EIF2D: variants seen among roughly 807,000 people sequenced by gnomAD.
EIF2D encodes the protein eukaryotic translation initiation factor 2D.
A neutral mutation model predicts 77.4 loss-of-function variants in EIF2D; 56 were observed. The observed-to-expected ratio is 0.72, with a 90% confidence interval of 0.58 to 0.90. EIF2D has a LOEUF of 0.90. Ranked by LOEUF, EIF2D falls within the 40% of genes least tolerant of loss-of-function variation. EIF2D has a pLI of 0.00. For synonymous variants in EIF2D, 230 were observed against 271.0 expected (o/e 0.85, Z 1.49); for missense variants, 574 against 706.5 (o/e 0.81, Z 2.13).
rs979130047 is a variant in EIF2D at position 206,572,464 on chromosome 1, G to A, written c.*359+131C>T. ...CTGGGATGCAGCAGAGAGGAAGGGA[G>A]TCTGTCCAGACCTGGGGCTAGGGTA... is the stretch of plus-strand genomic sequence containing the variant. On this transcript the variant is annotated intron_variant and NMD_transcript_variant, in intron 5 of 5. Coordinates refer to the EIF2D transcript ENST00000472709. The A allele has an allele frequency of 1.2e-4, 18 of 152,388 alleles. 2 individuals are homozygous for A. The highest frequency in any genetic ancestry group is 9.1e-4 in the Admixed American group (14 of 15,310). 9.4% of individuals were successfully genotyped at this position (152,388 alleles called of 1,614,324 possible). A position where few individuals can be genotyped will look rare whatever the true frequency, so the allele number is the denominator to read the frequency against.
At chr1:206,597,075 G>A in intron 12 of EIF2D, 25 bp downstream of exon 12, 2 of 1,578,978 alleles carry the variant, frequency 1.3e-6, no homozygotes, top group Non-Finnish European at 1.7e-6. Flanking sequence ...AGAAAAGTTG[G>A]AGAGGGACTG....
chr1:206,593,064 T>C (rs953980364), intron 14 of EIF2D, among the ~76,000 whole-genome samples: 9 of 151,956 alleles, frequency 5.9e-5, no homozygotes, highest in African/African-American at 1.7e-4. Flanking sequence ...TGAGCCAAGA[T>C]TGCGCCACTG....
chr1:206,591,500 G>A (rs1258027888), downstream of EIF2D: 1 of 482,428 alleles, frequency 2.1e-6, no homozygotes, highest in African/African-American at 1.9e-5. Flanking sequence ...TGGCCTGCCT[G>A]GAAAGCAGGG....
At position 206,599,209 on chromosome 1, in the gene EIF2D, T is replaced by A; in HGVS notation, c.1203-117A>T. The A allele has an allele frequency of 1.0e-6, 1 of 1,002,920 alleles. No individual in the cohort carries two copies. Among genetic ancestry groups the A allele is most frequent in the Non-Finnish European group, 1.5e-6 (1 of 674,248 alleles). The allele number at this position is 1,002,920 out of a possible 1,614,324, so 62.1% of individuals were successfully genotyped here. Reference sequence around the variant, plus strand: ...ACTTTCCTTAGCTTTCGGCCTCTAGTTTCTTCCCTTTTCCTGACTGAAGTG... The same window carrying A: ...ACTTTCCTTAGCTTTCGGCCTCTAGATTCTTCCCTTTTCCTGACTGAAGTG... On this transcript the variant is annotated intron_variant, in intron 10 of 14. Transcript: ENST00000271764. The surrounding 1 kb of genome is among the most constrained non-coding windows in gnomAD (Gnocchi z 4.1).
At chr1:206,602,574 G>C (rs1047304511) in intron 6 of EIF2D, 121 bp from the exon 7 acceptor site, 22 of 862,320 alleles carry the variant, frequency 2.6e-5, no homozygotes, top group Non-Finnish European at 3.8e-5. Context: ...CCCATTCCCA[G>C]GTACCAAAGC....
rs1553413419 is a variant in EIF2D, at chr1:206,609,447, C to T, written c.260G>A (p.Trp87Ter). The T allele has an allele frequency of 6.8e-6, 11 of 1,613,990 alleles. No individual in the cohort carries two copies. The highest frequency in any genetic ancestry group is 9.3e-6 in the Non-Finnish European group (11 of 1,179,994). ...GGTTGGCAGAAGATCAGGATAGGAC[C>T]ACAGCGTGTACACTGTACAAAAAGA... ...KNLYPTVYTL[W>*]SYPDLLPTFT... The change falls in exon 3 of 15, where the codon TGG (tryptophan) becomes TAG (stop). Residue 87 changes from tryptophan to a stop codon, truncating the protein, a stop_gained. Transcript: ENST00000271764. LOFTEE classifies it high-confidence loss of function.
chr1:206,608,800 C>T (rs1670324109), intron 3 of EIF2D, among the ~76,000 whole-genome samples: 1 of 152,206 alleles, frequency 6.6e-6, no homozygotes, highest in African/African-American at 2.4e-5. Context: ...GCCTGTAATC[C>T]CAGCACTCTG....
At chr1:206,596,563 G>C (rs1201942825) in intron 12 of EIF2D, among the ~76,000 whole-genome samples, 1 of 152,142 alleles carries the variant, frequency 6.6e-6, no homozygotes, top group Non-Finnish European at 1.5e-5. Context: ...TGGAAAAGAA[G>C]GAATATTAAA....
chr1:206,575,302 A>G (rs1028642060), intron 4 of EIF2D, among the ~76,000 whole-genome samples: 11 of 152,258 alleles, frequency 7.2e-5, no homozygotes, highest in African/African-American at 2.6e-4. Context: ...AAGCCTGGAG[A>G]TGGCTTCCTT....
chr1:206,577,104 C>T (rs1440118969), intron 4 of EIF2D, among the ~76,000 whole-genome samples: 2 of 152,086 alleles, frequency 1.3e-5, no homozygotes, highest in Non-Finnish European at 2.9e-5. Flanking sequence ...AGCCACCATG[C>T]CAGGCCCATA....
chr1:206,598,860 A>G (rs2102285517), intron 11 of EIF2D, 143 bp downstream of exon 11: 5 of 752,964 alleles, frequency 6.6e-6, no homozygotes, highest in Non-Finnish European at 1.1e-5. Flanking sequence ...TCCACAGCCC[A>G]TGGTTTGGAA....
chr1:206,590,801 C>G (rs932097601), downstream of EIF2D, among the ~76,000 whole-genome samples: 9 of 152,086 alleles, frequency 5.9e-5, no homozygotes, highest in Non-Finnish European at 1.2e-4. Context: ...GAGAAAGAAA[C>G]AAGTAAACTG....
rs1482187733 is a variant in EIF2D, at chr1:206,592,444, G to A, written c.1685-599C>T. 3.3e-5 allele frequency among the ~76,000 whole-genome samples: 5 copies of A among 152,224 alleles called. No homozygotes were observed. Among genetic ancestry groups the A allele is most frequent in the African/African-American group, 1.2e-4 (5 of 41,454 alleles). ...TGGGCTGGGCCAGTGAGCCTCTGAGGTCAGGTGGGCTTGGGCGTGGGAGGG... is the reference window on the plus strand; with the variant it reads ...TGGGCTGGGCCAGTGAGCCTCTGAGATCAGGTGGGCTTGGGCGTGGGAGGG... On this transcript the variant is annotated intron_variant, in intron 14 of 14. Coordinates refer to ENST00000271764, the MANE Select transcript of EIF2D (RefSeq NM_006893.3). This position sits in a 1 kb window ranked among gnomAD's most constrained non-coding sequence, Gnocchi z 4.7.
At chr1:206,597,258 T>C (rs1486697717) in intron 11 of EIF2D, 63 bp from the exon 12 acceptor site, 20 of 1,261,332 alleles carry the variant, frequency 1.6e-5, no homozygotes, top group Non-Finnish European at 2.3e-5. Context: ...TGAAGGCTAA[T>C]TCAGGATTCA....
At chr1:206,595,873 G>C in intron 12 of EIF2D, 35 bp from the exon 13 acceptor site, 1 of 1,609,952 alleles carries the variant, frequency 6.2e-7, no homozygotes, top group South Asian at 1.1e-5. Context: ...AACTGATAAA[G>C]CCAACAGAAA....
At position 206,579,921 on chromosome 1, in the gene EIF2D, T is replaced by C. The variant is rs1437313769; in HGVS notation, c.*254+771A>G. On this transcript the variant is annotated intron_variant and NMD_transcript_variant, in intron 4 of 5. Transcript: ENST00000472709. The surrounding 1 kb of genome is among the most constrained non-coding windows in gnomAD (Gnocchi z 4.2). ...GTCACATCTTGTCTGCCAGATATTT[T>C]TGTGGGCAGCAGCCATCCCAGACCT... is the stretch of plus-strand genomic sequence containing the variant. Among the ~76,000 whole-genome samples the C allele has an allele frequency of 1.3e-5, 2 of 152,226 alleles. No homozygotes were observed. The highest frequency in any genetic ancestry group is 4.8e-5 in the African/African-American group (2 of 41,456).
At chr1:206,590,673 G>A (rs574389111), downstream of EIF2D, among the ~76,000 whole-genome samples, 4 of 152,226 alleles carry the variant, frequency 2.6e-5, no homozygotes, top group African/African-American at 9.6e-5. Context: ...GGTAGGAGGC[G>A]CCACACACAC....
At chr1:206,587,502 T>C (rs1669166668), downstream of EIF2D, 1 of 169,662 alleles carries the variant, frequency 5.9e-6, no homozygotes, top group Non-Finnish European at 1.3e-5. Flanking sequence ...GGCCCCAAGG[T>C]GCCTGTTGTT....
intron 2 of EIF2D, chr1:206,585,486 G>GGGTA (rs1485715194): frequency 1.1e-5 from 6 of 530,490 alleles, no homozygotes; most frequent in African/African-American, 1.9e-5. Flanking sequence ...GAACACCCTG[G>GGGTA]GGTAGCACAT....
Sources: allele counts gnomAD v4.1 joint callset (sites outside exome capture counted in the v4.1 genomes callset), GRCh38; gene constraint gnomAD v4.1.1; non-coding constraint Gnocchi (gnomAD v3.1); transcripts MANE v1.5; gene names NCBI Gene and HGNC (gene_info 2026-07-23, HGNC 2026-07-21).